Variants in ANKRD6 observed in about 807,000 individuals in gnomAD.
ANKRD6 encodes ankyrin repeat domain-containing protein 6.
ANKRD6 carries 56 observed loss-of-function variants against 82.3 expected under a neutral mutation model. The ratio of observed to expected loss-of-function variants is 0.68; its 90% CI spans 0.55 to 0.85. ANKRD6 has a LOEUF of 0.85. ANKRD6 is among the 40% of genes least tolerant of loss of function. ANKRD6 has a pLI of 0.00. For missense variants in ANKRD6, 852 were observed against 907.6 expected, an observed-to-expected ratio of 0.94 and a Z score of 0.79; for synonymous variants, 347 against 352.1, an observed-to-expected ratio of 0.99 and a Z score of 0.16.
intron 2 of ANKRD6, among the ~76,000 whole-genome samples, chr6:89,593,030 C>T (rs566478270): frequency 6.2e-4 from 94 of 152,262 alleles, no homozygotes; most frequent in African/African-American, 1.9e-3. Flanking sequence ...GCCAAGATCG[C>T]GCCACTGCAC....
rs572921355 is a variant in ANKRD6, at chr6:89,442,922, A to G, written c.-144+9547A>G. Among the ~76,000 whole-genome samples the G allele has an allele frequency of 3.9e-5, 6 of 152,286 alleles. No homozygotes were observed. In the South Asian group the frequency reaches 1.2e-3, roughly 32 times the overall value. ...CTCAGTTGATCTCATTAGCACATGG[A>G]GGGACTAGAGGGGGTAAGATCTAGT... On this transcript the variant is annotated intron_variant, in intron 1 of 15. Coordinates refer to ENST00000339746, the MANE Select transcript of ANKRD6 (RefSeq NM_001242809.2).
At chr6:89,497,528 A>T (rs892433746) in intron 1 of ANKRD6, among the ~76,000 whole-genome samples, 4 of 152,128 alleles carry the variant, frequency 2.6e-5, no homozygotes, top group African/African-American at 9.7e-5. Flanking sequence ...GCTTTTCCAC[A>T]ATAATAGGGG....
At chr6:89,614,111 A>T (rs1335976754) in intron 7 of ANKRD6, among the ~76,000 whole-genome samples, 1 of 152,182 alleles carries the variant, frequency 6.6e-6, no homozygotes, top group Non-Finnish European at 1.5e-5. Context: ...TCCTGTGCAT[A>T]TCACCACATT....
chr6:89,460,083 G>T (rs1370355332), intron 1 of ANKRD6, among the ~76,000 whole-genome samples: 1 of 148,186 alleles, frequency 6.7e-6, no homozygotes. Context: ...GCCCTATTGG[G>T]GCTCTTCCTC....
At chr6:89,465,126 T>TC (rs1157191613) in intron 1 of ANKRD6, among the ~76,000 whole-genome samples, 1 of 151,560 alleles carries the variant, frequency 6.6e-6, no homozygotes, top group African/African-American at 2.4e-5. Flanking sequence ...TTTAATTTTT[T>TC]TTTTTTTTTT....
chr6:89,604,249 A>G (rs1360320882), intron 4 of ANKRD6, among the ~76,000 whole-genome samples: 1 of 151,670 alleles, frequency 6.6e-6, no homozygotes, highest in African/African-American at 2.4e-5. Flanking sequence ...AATCGCTTGA[A>G]CCCGGGAGGT....
chr6:89,547,757 G>A lies in ANKRD6; in HGVS notation c.-143-19077G>A, dbSNP rs539518821. On this transcript the variant is annotated intron_variant, in intron 1 of 15. Coordinates refer to ENST00000339746, the MANE Select transcript of ANKRD6 (RefSeq NM_001242809.2). ...GATAGAAATCATTGAGTATATCCCA[G>A]GAATGTCAAAAGGTAAGTTGGCTGA... 2.0e-5 allele frequency among the ~76,000 whole-genome samples: 3 copies of A among 152,190 alleles called. No individual in the cohort carries two copies. In the South Asian group the frequency reaches 6.2e-4, roughly 32 times the overall value.
chr6:89,472,289 G>A (rs1178699253), intron 1 of ANKRD6, among the ~76,000 whole-genome samples: 1 of 152,180 alleles, frequency 6.6e-6, no homozygotes, highest in Non-Finnish European at 1.5e-5. Context: ...ATAGGAGTTA[G>A]AACTTCAGCT....
chr6:89,511,048 G>T (rs928482821), intron 1 of ANKRD6, among the ~76,000 whole-genome samples: 1 of 152,158 alleles, frequency 6.6e-6, no homozygotes, highest in South Asian at 2.1e-4. Context: ...ATAAGGATGT[G>T]ATCATAGGCC....
rs1318466493 is a variant in ANKRD6 at position 89,631,029 on chromosome 6, G to A, written c.*25G>A. On this transcript the variant is annotated 3_prime_UTR_variant, in exon 16 of 16. Transcript: ENST00000339746. Reference sequence around the variant, plus strand: ...GCACCAATAAAGAGGAAATATGAAAGGATTCTTGAAGATTTCCAGTTTTGC... The same window carrying A: ...GCACCAATAAAGAGGAAATATGAAAAGATTCTTGAAGATTTCCAGTTTTGC... 2 of 1,473,078 alleles carry A rather than the reference G, an allele frequency of 1.4e-6. No homozygotes were observed. The highest frequency in any genetic ancestry group is 1.8e-6 in the Non-Finnish European group (2 of 1,115,346). The allele number at this position is 1,473,078 out of a possible 1,614,324, so 91.3% of individuals were successfully genotyped here.
chr6:89,455,934 T>A (rs1336986019), intron 1 of ANKRD6, among the ~76,000 whole-genome samples: 1 of 152,060 alleles, frequency 6.6e-6, no homozygotes, highest in Non-Finnish European at 1.5e-5. Context: ...TCTGCAGTGG[T>A]GCAATCTTGG....
rs775512584 is a variant in ANKRD6 at position 89,624,663 on chromosome 6, G to C, written c.1343G>C (p.Gly448Ala). Residue 448 changes from glycine to alanine, a missense_variant, in exon 13 of 16, where the codon GGG becomes GCG. Coordinates refer to ENST00000339746, the MANE Select transcript of ANKRD6 (RefSeq NM_001242809.2). ...CAGGACAAAATGAATACAAAGCTGG[G>C]GCAGATGGAGAATAAGACCCAGCAC... Reference protein sequence around the residue: ...SVQDKMNTKLGQMENKTQHQM... With the variant: ...SVQDKMNTKLAQMENKTQHQM... The C allele has an allele frequency of 1.9e-6, 3 of 1,601,072 alleles. No homozygotes were observed. Among genetic ancestry groups the C allele is most frequent in the East Asian group, 2.2e-5 (1 of 44,502 alleles).
chr6:89,626,750 A>G (rs2038338), intron 13 of ANKRD6, among the ~76,000 whole-genome samples: 106,694 of 152,124 alleles, frequency 0.7, 37,895 homozygotes, highest in East Asian at 0.99. Flanking sequence ...TCCTAGGTGT[A>G]GGGGTCCCAC....
chr6:89,464,911 A>C (rs1774650597), intron 1 of ANKRD6, among the ~76,000 whole-genome samples: 1 of 151,998 alleles, frequency 6.6e-6, no homozygotes, highest in Non-Finnish European at 1.5e-5. Context: ...TGAAGGGAGG[A>C]AGAATGGTGG....
At chr6:89,543,051 C>A (rs751910049) in intron 1 of ANKRD6, among the ~76,000 whole-genome samples, 1 of 152,128 alleles carries the variant, frequency 6.6e-6, no homozygotes, top group Non-Finnish European at 1.5e-5. Context: ...GGGTTTTTTA[C>A]GGTACTTAAC....
chr6:89,617,584 C>A lies in ANKRD6; in HGVS notation c.715-370C>A, dbSNP rs558415339. Among the ~76,000 whole-genome samples the A allele has an allele frequency of 2.5e-3, 379 of 152,308 alleles. 1 individual carries two copies. The highest frequency in any genetic ancestry group is 8.7e-3 in the African/African-American group (362 of 41,562). On this transcript the variant is annotated intron_variant, in intron 8 of 15. Transcript: ENST00000339746. Reference sequence around the variant, plus strand: ...CCTCAGATCCTCTGTGGTGTTTCCCCAACTGAAACATTCCCCCTGGATGCT... The same window carrying A: ...CCTCAGATCCTCTGTGGTGTTTCCCAAACTGAAACATTCCCCCTGGATGCT...
At chr6:89,589,656 A>C (rs1361462917) in intron 2 of ANKRD6, among the ~76,000 whole-genome samples, 1 of 152,158 alleles carries the variant, frequency 6.6e-6, no homozygotes, top group Non-Finnish European at 1.5e-5. Flanking sequence ...TCACTTGTTC[A>C]TGTAATTTAT....
At chr6:89,522,760 T>C (rs1782035729) in intron 1 of ANKRD6, among the ~76,000 whole-genome samples, 1 of 152,082 alleles carries the variant, frequency 6.6e-6, no homozygotes, top group African/African-American at 2.4e-5. Flanking sequence ...CCCATAGAAT[T>C]TGTTTCTTTT....
At chr6:89,532,180 A>G (rs566086927) in intron 1 of ANKRD6, among the ~76,000 whole-genome samples, 1 of 152,180 alleles carries the variant, frequency 6.6e-6, no homozygotes, top group Non-Finnish European at 1.5e-5. Flanking sequence ...TATTAATGTC[A>G]TCCAAAAACA....
Sources: gnomAD v4.1 joint callset for allele counts (sites outside exome capture counted in the v4.1 genomes callset) on GRCh38, gnomAD v4.1.1 for gene constraint, MANE v1.5 for transcripts, NCBI Gene and HGNC (gene_info 2026-07-23, HGNC 2026-07-21) for gene names.